PHACTR4: variants seen among roughly 807,000 people sequenced by gnomAD.
The protein encoded by PHACTR4 is phosphatase and actin regulator 4.
In PHACTR4, 51 loss-of-function variants were observed where a neutral mutation model predicts 72.7. That is an observed-to-expected ratio of 0.70 (90% CI 0.56 to 0.89). The LOEUF is 0.89. PHACTR4 is among the 40% of genes least tolerant of loss of function. The pLI is 0.00. For missense variants in PHACTR4, 731 were observed against 861.8 expected (o/e 0.85, Z 1.90); for synonymous variants, 255 against 302.5 (o/e 0.84, Z 1.63).
chr1:28,468,161 A>G (rs1053833508), intron 6 of PHACTR4, among the ~76,000 whole-genome samples: 1 of 152,216 alleles, frequency 6.6e-6, no homozygotes, highest in Non-Finnish European at 1.5e-5. Context: ...TTGGATGGAT[A>G]GTGTCATGTT....
At chr1:28,387,029 G>C (rs1175876429) in intron 1 of PHACTR4, among the ~76,000 whole-genome samples, 1 of 151,912 alleles carries the variant, frequency 6.6e-6, no homozygotes, top group African/African-American at 2.4e-5. Flanking sequence ...TTGGGAGGTT[G>C]AGGCAGGTGG....
chr1:28,427,106 G>T (rs1655918715), intron 2 of PHACTR4, among the ~76,000 whole-genome samples: 1 of 152,198 alleles, frequency 6.6e-6, no homozygotes, highest in South Asian at 2.1e-4. Flanking sequence ...ATAGACATTT[G>T]AGAACTGAGC....
In PHACTR4 at chr1:28,466,703, T is replaced by C; in HGVS notation, c.758T>C (p.Val253Ala). 1 of 1,613,952 alleles carries C rather than the reference T, an allele frequency of 6.2e-7. No individual in the cohort carries two copies. Among genetic ancestry groups the C allele is most frequent in the Middle Eastern group, 1.6e-4 (1 of 6,062 alleles). ...GCTACCCCAAGCCTCACTCATATGG[T>C]CCCTGCCAAGCAGCCCCCTATCCCT... Reference protein sequence around the residue: ...TTATPSLTHMVPAKQPPIPPP... With the variant: ...TTATPSLTHMAPAKQPPIPPP... Residue 253 changes from valine (V) to alanine (A), a missense_variant, in exon 6 of 14, where the codon GTC (valine) becomes GCC (alanine). Coordinates refer to ENST00000373839, the MANE Select transcript of PHACTR4 (RefSeq NM_001048183.3).
intron 1 of PHACTR4, among the ~76,000 whole-genome samples, chr1:28,376,075 A>G (rs1398179658): frequency 1.6e-5 from 1 of 61,278 alleles, no homozygotes; most frequent in Admixed American, 1.3e-4. Flanking sequence ...ATCTCAAAAA[A>G]ACAAACAAAC....
At chr1:28,453,693 C>T (rs1658150126) in intron 2 of PHACTR4, 3 of 1,259,966 alleles carry the variant, frequency 2.4e-6, no homozygotes, top group Non-Finnish European at 1.1e-6. Flanking sequence ...CCTGGTTCCT[C>T]TTACTTCAAT....
rs1367516317 is a variant in PHACTR4, at chr1:28,500,201, G to T, written c.*3652G>T. 1 of 152,052 alleles carries T rather than the reference G, an allele frequency of 6.6e-6. No homozygotes were observed. Among genetic ancestry groups the T allele is most frequent in the Non-Finnish European group, 1.5e-5 (1 of 68,028 alleles). The allele number at this position is 152,052 out of a possible 1,614,324, so 9.4% of individuals were successfully genotyped here. A position where few individuals can be genotyped will look rare whatever the true frequency, so the allele number is the denominator to read the frequency against. On this transcript the variant is annotated 3_prime_UTR_variant, in exon 14 of 14. Coordinates refer to ENST00000373839, the MANE Select transcript of PHACTR4 (RefSeq NM_001048183.3). ...TTCCATGTAAGTACCAACTTATATG[G>T]AAACTCACAATCATAATGTAAAGAA...
chr1:28,479,436 A>C (rs1388697476), intron 8 of PHACTR4, among the ~76,000 whole-genome samples: 2 of 144,762 alleles, frequency 1.4e-5, no homozygotes, highest in Non-Finnish European at 3.0e-5. Flanking sequence ...AAAAAAAAAA[A>C]GCCAGGCATG....
rs1653535779 is a variant in PHACTR4, at chr1:28,396,780, T to A, written c.-38-10630T>A. Among the ~76,000 whole-genome samples the A allele has an allele frequency of 4.0e-5, 6 of 150,272 alleles. 1 individual carries two copies. In the South Asian group the frequency reaches 1.3e-3, roughly 32 times the overall value. On this transcript the variant is annotated intron_variant, in intron 1 of 13. Coordinates refer to ENST00000373839, the MANE Select transcript of PHACTR4 (RefSeq NM_001048183.3). ...TTCAAGCGATTCTCCTGCCTCAGCC[T>A]CCTGAGTAGCTGAGATTACAGGCTT...
intron 1 of PHACTR4, among the ~76,000 whole-genome samples, chr1:28,371,506 G>T (rs1651242927): frequency 6.6e-6 from 1 of 152,114 alleles, no homozygotes; most frequent in East Asian, 1.9e-4. Flanking sequence ...TGTTAGCCAG[G>T]CTGGCCTTGA....
At chr1:28,392,406 C>CTT (rs201902576) in intron 1 of PHACTR4, among the ~76,000 whole-genome samples, 2 of 141,964 alleles carry the variant, frequency 1.4e-5, no homozygotes, top group African/African-American at 2.6e-5. Flanking sequence ...ATTCCTTTTT[C>CTT]TTTTTTTTTT....
intron 1 of PHACTR4, among the ~76,000 whole-genome samples, chr1:28,385,998 T>C (rs1652536597): frequency 6.6e-6 from 1 of 152,220 alleles, no homozygotes; most frequent in Admixed American, 6.5e-5. Context: ...TTCAGTTCTT[T>C]TGCATTTGCT....
intron 2 of PHACTR4, among the ~76,000 whole-genome samples, chr1:28,450,515 C>T (rs535901084): frequency 6.6e-6 from 1 of 152,156 alleles, no homozygotes; most frequent in African/African-American, 2.4e-5. Flanking sequence ...CTTTCTTAGT[C>T]CTTTATTAGT....
At chr1:28,422,154 C>A (rs1386255802) in intron 2 of PHACTR4, among the ~76,000 whole-genome samples, 1 of 152,138 alleles carries the variant, frequency 6.6e-6, no homozygotes, top group African/African-American at 2.4e-5. Flanking sequence ...CCATGTTATT[C>A]AGCATGATTT....
intron 4 of PHACTR4, among the ~76,000 whole-genome samples, chr1:28,461,894 A>C (rs1658835044): frequency 6.6e-6 from 1 of 151,456 alleles, no homozygotes; most frequent in South Asian, 2.1e-4. Context: ...AGCATATATA[A>C]CTTTTGTTTT....
Position 28,450,974 on chromosome 1 carries a change from C to CTTT in PHACTR4, c.17-8093_17-8091dup, listed in dbSNP as rs1188704308. ...TACAGGCATGTACCACCACACCCAG[C>CTTT]TTTTTTTTTTTTTTTTTTTTGTATT... On this transcript the variant is annotated intron_variant, in intron 2 of 13. Transcript: ENST00000373839. 4.0e-4 allele frequency among the ~76,000 whole-genome samples: 29 copies of CTTT among 72,052 alleles called. 1 individual carries two copies. Among genetic ancestry groups the CTTT allele is most frequent in the African/African-American group, 6.8e-4 (10 of 14,624 alleles). The allele number at this position is 72,052 out of a possible 152,430, so 47.3% of individuals were successfully genotyped here.
chr1:28,476,213 G>A lies in PHACTR4; in HGVS notation c.1528G>A (p.Glu510Lys), dbSNP rs768849564. Reference sequence around the variant, plus strand: ...ATTACCACAGTGTCTACGGGAGGAAGAAGAGAAGGAGAGCGACTCTGATTC... The same window carrying A: ...ATTACCACAGTGTCTACGGGAGGAAAAAGAGAAGGAGAGCGACTCTGATTC... ...PKLPQCLREE[E>K]EKESDSDSEG... Residue 510 changes from glutamate (E) to lysine (K), a missense_variant, in exon 8 of 14, where the codon GAA becomes AAA. By Grantham distance (56) the Glu-to-Lys change is moderately conservative (BLOSUM62 1). Coordinates refer to ENST00000373839, the MANE Select transcript of PHACTR4 (RefSeq NM_001048183.3). The A allele has an allele frequency of 6.3e-7, 1 of 1,588,876 alleles. No individual in the cohort carries two copies. The highest frequency in any genetic ancestry group is 8.6e-7 in the Non-Finnish European group (1 of 1,165,198).
chr1:28,386,067 G>T (rs1024829235), intron 1 of PHACTR4, among the ~76,000 whole-genome samples: 1 of 152,172 alleles, frequency 6.6e-6, no homozygotes, highest in African/African-American at 2.4e-5. Context: ...ATGTGGCAAT[G>T]AGAAGAATGT....
chr1:28,445,544 C>A (rs1462636034), intron 2 of PHACTR4, among the ~76,000 whole-genome samples: 1 of 152,048 alleles, frequency 6.6e-6, no homozygotes, highest in Non-Finnish European at 1.5e-5. Flanking sequence ...CTTTTCCCCC[C>A]ACTTTTCTTT....
At chr1:28,472,966 A>T (rs1659664793) in intron 6 of PHACTR4, among the ~76,000 whole-genome samples, 1 of 150,660 alleles carries the variant, frequency 6.6e-6, no homozygotes, top group Admixed American at 6.6e-5. Context: ...TATTAACTAC[A>T]CCAAGATCAA....
Sources: gnomAD v4.1 joint callset for allele counts (sites outside exome capture counted in the v4.1 genomes callset) on GRCh38, gnomAD v4.1.1 for gene constraint, MANE v1.5 for transcripts, NCBI Gene and HGNC (gene_info 2026-07-23, HGNC 2026-07-21) for gene names.